Variants in BTBD9 observed in about 807,000 individuals in gnomAD.
BTBD9 encodes the protein BTB domain containing 9, also known as BTB/POZ domain-containing protein 9.
Under a neutral mutation model 64.3 loss-of-function variants are expected in BTBD9, and 49 were observed. That is an observed-to-expected ratio of 0.76 (90% CI 0.61 to 0.97). BTBD9 has a LOEUF of 0.97. BTBD9 is among the 50% of genes least tolerant of loss of function. The probability of loss-of-function intolerance (pLI) is 0.00; values close to 1 mark genes in which losing one functional copy is unlikely to be tolerated. For synonymous variants in BTBD9, 260 were observed against 274.7 expected (o/e 0.95, Z 0.53); for missense variants, 598 against 762.1 (o/e 0.78, Z 2.53).
chr6:38,506,260 A>C (rs953435398), intron 6 of BTBD9, among the ~76,000 whole-genome samples: 4 of 152,214 alleles, frequency 2.6e-5, no homozygotes, highest in African/African-American at 9.7e-5. Context: ...TGTGTTTAAT[A>C]CACCTAACTT....
intron 1 of BTBD9, 119 bp from the exon 2 acceptor site, chr6:38,598,240 G>T: frequency 1.4e-6 from 1 of 699,434 alleles, no homozygotes; most frequent in Non-Finnish European, 2.3e-6. Context: ...CTATGAGAGA[G>T]TTAATCAATG....
chr6:38,305,402 A>C (rs1401421103), intron 7 of BTBD9, among the ~76,000 whole-genome samples: 1 of 152,232 alleles, frequency 6.6e-6, no homozygotes, highest in African/African-American at 2.4e-5. Context: ...TGATGGAGAA[A>C]ACATTTTGAG....
chr6:38,622,672 T>A (rs1193363666), intron 1 of BTBD9, among the ~76,000 whole-genome samples: 1 of 152,216 alleles, frequency 6.6e-6, no homozygotes, highest in African/African-American at 2.4e-5. Flanking sequence ...GTGTTAACTT[T>A]CCAAGCCCCT....
At chr6:38,381,518 C>T (rs747247805) in intron 6 of BTBD9, among the ~76,000 whole-genome samples, 2 of 152,156 alleles carry the variant, frequency 1.3e-5, no homozygotes, top group Non-Finnish European at 2.9e-5. Context: ...ATTTTAACTG[C>T]TTTCTCTCAG....
At chr6:38,532,472 G>C (rs575432012) in intron 6 of BTBD9, among the ~76,000 whole-genome samples, 6 of 152,174 alleles carry the variant, frequency 3.9e-5, no homozygotes, top group Middle Eastern at 3.4e-3. Flanking sequence ...AGGTGTTTTC[G>C]CCATCTCTTC....
At chr6:38,442,661 C>CTTTTTTTTTTTTTT (rs11313452) in intron 6 of BTBD9, among the ~76,000 whole-genome samples, 1 of 57,538 alleles carries the variant, frequency 1.7e-5, no homozygotes, top group Non-Finnish European at 3.0e-5. Context: ...CATTTGTACT[C>CTTTTTTTTTTTTTT]TTTTTTTTTT....
intron 6 of BTBD9, among the ~76,000 whole-genome samples, chr6:38,362,052 A>G (rs1764983974): frequency 6.6e-6 from 1 of 152,164 alleles, no homozygotes; most frequent in African/African-American, 2.4e-5. Flanking sequence ...CTATGTTTGA[A>G]ACATGGGTAA....
At chr6:38,639,580 A>T (rs1180841179) in intron 1 of BTBD9, among the ~76,000 whole-genome samples, 5 of 151,960 alleles carry the variant, frequency 3.3e-5, no homozygotes, top group Non-Finnish European at 5.9e-5. Context: ...TCTACTTCCC[A>T]CTACACCTTC....
intron 6 of BTBD9, among the ~76,000 whole-genome samples, chr6:38,363,895 G>A (rs1240697223): frequency 5.9e-5 from 9 of 152,142 alleles, no homozygotes; most frequent in Non-Finnish European, 1.2e-4. Flanking sequence ...AAAATGTTCA[G>A]ATTGCTACAG....
chr6:38,192,456 G>C, intron 10 of BTBD9, 63 bp downstream of exon 10: 1 of 1,445,208 alleles, frequency 6.9e-7, no homozygotes, highest in Non-Finnish European at 9.7e-7. Flanking sequence ...CTTAACTCAG[G>C]ATGTAGCATT....
chr6:38,410,191 C>T (rs140425093), intron 6 of BTBD9, among the ~76,000 whole-genome samples: 90 of 152,302 alleles, frequency 5.9e-4, no homozygotes, highest in African/African-American at 1.8e-3. Context: ...ATCTAGTTGT[C>T]CAGGCATGGT....
intron 7 of BTBD9, among the ~76,000 whole-genome samples, chr6:38,309,231 G>A (rs557575092): frequency 1.3e-5 from 2 of 150,884 alleles, no homozygotes; most frequent in African/African-American, 2.4e-5. Flanking sequence ...TTAGCTGGGC[G>A]TGGTGGTGGG....
rs1005634246 is a variant in BTBD9 at position 38,184,448 on chromosome 6, G to A, written c.1641+8071C>T. Among the ~76,000 whole-genome samples, 1 of 152,224 alleles carries A rather than the reference G, an allele frequency of 6.6e-6. No homozygotes were observed. The highest frequency in any genetic ancestry group is 6.5e-5 in the Admixed American group (1 of 15,292). On this transcript the variant is annotated intron_variant, in intron 10 of 10. Transcript: ENST00000481247. This position sits in a 1 kb window ranked among gnomAD's most constrained non-coding sequence, Gnocchi z 4.4. ...GTTGCTGGAACATGAAGCCCCTGGA[G>A]GGCCAGGTTCCCTCCCACACAGAAG...
intron 4 of BTBD9, among the ~76,000 whole-genome samples, chr6:38,592,234 T>C (rs1199652512): frequency 2.0e-5 from 3 of 150,938 alleles, no homozygotes; most frequent in Non-Finnish European, 2.9e-5. Context: ...AATAAGTACA[T>C]AGAATGTACT....
At chr6:38,479,421 A>G (rs1582498262) in intron 6 of BTBD9, among the ~76,000 whole-genome samples, 2 of 152,352 alleles carry the variant, frequency 1.3e-5, no homozygotes, top group South Asian at 2.1e-4. Flanking sequence ...AAAAACATAA[A>G]TTGGTTACAT....
intron 6 of BTBD9, among the ~76,000 whole-genome samples, chr6:38,419,135 GATTTACCTTT>G (rs2127273172): frequency 6.6e-6 from 1 of 152,214 alleles, no homozygotes; most frequent in Non-Finnish European, 1.5e-5. Context: ...TACAGTATAG[GATTTACCTTT>G]ATTTAGGATA....
At chr6:38,375,228 G>A (rs1392865889) in intron 6 of BTBD9, among the ~76,000 whole-genome samples, 1 of 152,156 alleles carries the variant, frequency 6.6e-6, no homozygotes, top group Non-Finnish European at 1.5e-5. Context: ...ATAAAACACA[G>A]ACTTGGTCAA....
chr6:38,554,608 G>C (rs1444418365), intron 6 of BTBD9, among the ~76,000 whole-genome samples: 2 of 152,158 alleles, frequency 1.3e-5, no homozygotes, highest in African/African-American at 2.4e-5. Context: ...ATACTGTTTG[G>C]AAGTTACCAG....
Position 38,583,859 on chromosome 6 carries a change from T to C in BTBD9, c.815-3422A>G, listed in dbSNP as rs562551508. The stretch of plus-strand genomic sequence containing the variant: ...TCATGGTAACTATATGAGTATCTCA[T>C]TGGATAAAAATATAACTCCAAGAAT... On this transcript the variant is annotated intron_variant, in intron 4 of 10. Coordinates refer to ENST00000481247, the MANE Select transcript of BTBD9 (RefSeq NM_001099272.2). 2.6e-5 allele frequency among the ~76,000 whole-genome samples: 4 copies of C among 152,322 alleles called. No individual in the cohort carries two copies. In the South Asian group the frequency reaches 8.3e-4, roughly 32 times the overall value.
Sources: gnomAD v4.1 joint callset for allele counts (sites outside exome capture counted in the v4.1 genomes callset) on GRCh38, gnomAD v4.1.1 for gene constraint, Gnocchi (gnomAD v3.1) non-coding constraint, MANE v1.5 for transcripts, NCBI Gene and HGNC (gene_info 2026-07-23, HGNC 2026-07-21) for gene names.